The following RANBP17 variants were observed in gnomAD, a reference collection of about 807,000 sequenced individuals.
RANBP17 encodes ran-binding protein 17.
RANBP17 carries 158 observed loss-of-function variants against 141.2 expected under a neutral mutation model. The ratio of observed to expected loss-of-function variants is 1.12; its 90% CI spans 0.98 to 1.28. The LOEUF (loss-of-function observed/expected upper bound fraction) is 1.28. Ranked by LOEUF, RANBP17 falls within the 50% of genes most tolerant of loss-of-function variation. The pLI is 0.00. For synonymous variants in RANBP17, 430 were observed against 450.0 expected (o/e 0.96, Z 0.56); for missense variants, 1,438 against 1,290.7 (o/e 1.11, Z -1.75).
intron 14 of RANBP17, chr5:171,028,850 T>G: frequency 8.2e-7 from 1 of 1,216,666 alleles, no homozygotes; most frequent in African/African-American, 1.6e-5. Context: ...CTTTTTTTTC[T>G]TTTCTTTTTT....
chr5:171,032,402 G>A (rs2127619662), intron 14 of RANBP17, among the ~76,000 whole-genome samples: 1 of 152,250 alleles, frequency 6.6e-6, no homozygotes, highest in Admixed American at 6.5e-5. Context: ...AGGACAGGGA[G>A]TAATTGATTG....
chr5:170,881,696 C>A, intron 2 of RANBP17, 110 bp from the exon 3 acceptor site: 1 of 688,698 alleles, frequency 1.5e-6, no homozygotes, highest in Non-Finnish European at 2.3e-6. Context: ...GTAAATTTGC[C>A]AGTTTGGAAA....
At chr5:171,126,411 A>G (rs193059954) in intron 14 of RANBP17, among the ~76,000 whole-genome samples, 2 of 152,340 alleles carry the variant, frequency 1.3e-5, no homozygotes, top group East Asian at 3.9e-4. Flanking sequence ...ACATCAAGGA[A>G]CTAGAAAAAT....
At chr5:170,925,262 T>C (rs1772825166) in intron 12 of RANBP17, among the ~76,000 whole-genome samples, 1 of 152,160 alleles carries the variant, frequency 6.6e-6, no homozygotes, top group Admixed American at 6.5e-5. Context: ...TAAAAAAATT[T>C]TTAGAAGATT....
chr5:171,002,493 A>T (rs1296128274), intron 14 of RANBP17, among the ~76,000 whole-genome samples: 1 of 152,144 alleles, frequency 6.6e-6, no homozygotes, highest in Non-Finnish European at 1.5e-5. Flanking sequence ...AAGAGGCATT[A>T]ATGTTGGAGG....
intron 24 of RANBP17, among the ~76,000 whole-genome samples, chr5:171,258,230 A>G (rs1185736229): frequency 6.6e-6 from 1 of 152,102 alleles, no homozygotes; most frequent in African/African-American, 2.4e-5. Flanking sequence ...CTGATGAAAG[A>G]AGTTGAAGAT....
chr5:171,110,330 C>A (rs1317922169), intron 14 of RANBP17, among the ~76,000 whole-genome samples: 1 of 152,032 alleles, frequency 6.6e-6, no homozygotes, highest in Admixed American at 6.6e-5. Context: ...TTTAAGTAAA[C>A]ACATAATCAC....
At chr5:171,060,396 C>T (rs969876452) in intron 14 of RANBP17, among the ~76,000 whole-genome samples, 1 of 151,816 alleles carries the variant, frequency 6.6e-6, no homozygotes, top group Admixed American at 6.6e-5. Context: ...TTGTCAAAGG[C>T]CTTTTTTGCA....
intron 25 of RANBP17, 56 bp downstream of exon 25, chr5:171,265,903 T>C (rs1239817605): frequency 1.3e-6 from 2 of 1,518,632 alleles, no homozygotes; most frequent in Admixed American, 3.9e-5. Context: ...AAGCCATACC[T>C]GGCCCCGAAT....
chr5:171,183,874 G>T (rs138341146), intron 18 of RANBP17, among the ~76,000 whole-genome samples: 1 of 152,084 alleles, frequency 6.6e-6, no homozygotes, highest in African/African-American at 2.4e-5. Flanking sequence ...TGATTGGCAC[G>T]CAATAAAAAT....
chr5:170,992,344 T>C (rs1736018803), intron 14 of RANBP17, among the ~76,000 whole-genome samples: 1 of 152,040 alleles, frequency 6.6e-6, no homozygotes, highest in Admixed American at 6.6e-5. Context: ...TTTTGGTAAT[T>C]GAATCAGTGT....
At chr5:170,977,668 G>A (rs1451427656) in intron 14 of RANBP17, among the ~76,000 whole-genome samples, 3 of 152,012 alleles carry the variant, frequency 2.0e-5, no homozygotes, top group Non-Finnish European at 4.4e-5. Flanking sequence ...CCATAAAAAG[G>A]AATGAAGTAC....
chr5:171,183,110 A>G (rs1160673407), intron 16 of RANBP17, 57 bp from the exon 17 acceptor site: 1 of 933,590 alleles, frequency 1.1e-6, no homozygotes, highest in African/African-American at 1.7e-5. Flanking sequence ...TTACTTTGTG[A>G]TTTATTACAT....
chr5:171,219,120 T>C (rs974676609), intron 21 of RANBP17, among the ~76,000 whole-genome samples: 6 of 152,222 alleles, frequency 3.9e-5, no homozygotes, highest in Non-Finnish European at 2.9e-5. Context: ...TGCTTGTCTG[T>C]AAAAGATTTT....
chr5:171,241,128 C>T lies in RANBP17; in HGVS notation c.2623C>T (p.His875Tyr). 6.2e-7 allele frequency: 1 copy of T among 1,611,600 alleles called. No homozygotes were observed. The highest frequency in any genetic ancestry group is 8.5e-7 in the Non-Finnish European group (1 of 1,178,078). The stretch of plus-strand genomic sequence containing the variant: ...TGTCAAAATGCTGCTGTCAGTGTCC[C>T]ACAGTGACTTGCTAGTAAGCAATCA... ...AFVKMLLSVS[H>Y]SDLLQYRKLS... Residue 875 changes from histidine to tyrosine, a missense_variant, in exon 23 of 28, where the codon CAC (histidine) becomes TAC (tyrosine). By Grantham distance (83) the His-to-Tyr change is moderately conservative. Transcript: ENST00000523189.
chr5:171,294,295 GC>G, intron 26 of RANBP17, among the ~76,000 whole-genome samples: 1 of 152,142 alleles, frequency 6.6e-6, no homozygotes, highest in African/African-American at 2.4e-5. Flanking sequence ...AGAATTCTGA[GC>G]AACAACCCTT....
At position 170,909,803 on chromosome 5, in the gene RANBP17, T is replaced by C. The variant is rs201985595; in HGVS notation, c.594+38T>C. The C allele has an allele frequency of 4.8e-5, 51 of 1,072,846 alleles. 1 individual carries two copies. The African/African-American group carries it at 5.2e-4, about 11-fold the overall frequency. 66.5% of individuals were successfully genotyped at this position (1,072,846 alleles called of 1,614,324 possible). A position where few individuals can be genotyped will look rare whatever the true frequency, so the allele number is the denominator to read the frequency against. On this transcript the variant is annotated intron_variant, in intron 6 of 27. Transcript: ENST00000523189. ...ATAATTCAACTTCCTAGTTAGAATA[T>C]TTGGGAAATTTTAAGAGTTTCAAAA...
chr5:171,104,035 T>C (rs1260450435), intron 14 of RANBP17, among the ~76,000 whole-genome samples: 2 of 152,080 alleles, frequency 1.3e-5, no homozygotes, highest in Non-Finnish European at 1.5e-5. Context: ...TTTTGTTTGT[T>C]TGTTTGTTGT....
intron 14 of RANBP17, among the ~76,000 whole-genome samples, chr5:171,154,232 G>C (rs993743136): frequency 6.6e-6 from 1 of 151,626 alleles, no homozygotes; most frequent in African/African-American, 2.4e-5. Flanking sequence ...AGAACTACCT[G>C]CTATTTCCAC....
Sources: allele counts gnomAD v4.1 joint callset (sites outside exome capture counted in the v4.1 genomes callset), GRCh38; gene constraint gnomAD v4.1.1; transcripts MANE v1.5; gene names NCBI Gene and HGNC (gene_info 2026-07-23, HGNC 2026-07-21).